Variants in AKAP6 observed in about 807,000 individuals in gnomAD.
AKAP6 encodes the protein A-kinase anchoring protein 6, also known as A-kinase anchor protein 6.
In AKAP6, 58 loss-of-function variants were observed where a neutral mutation model predicts 188.5. That is an observed-to-expected ratio of 0.31 (90% CI 0.25 to 0.38). The LOEUF (loss-of-function observed/expected upper bound fraction) is 0.38, where lower values mean the gene tolerates loss of function less well. Among genes scored for constraint, AKAP6 ranks in the 10% least tolerant of loss-of-function variants. The probability of loss-of-function intolerance (pLI) is 1.00; values close to 1 mark genes in which losing one functional copy is unlikely to be tolerated. For missense variants in AKAP6, 2,710 were observed against 2,740.0 expected, an observed-to-expected ratio of 0.99 and a Z score of 0.24; for synonymous variants, 989 against 998.6, an observed-to-expected ratio of 0.99 and a Z score of 0.18.
chr14:32,818,446 T>C (rs2034441309), intron 12 of AKAP6, among the ~76,000 whole-genome samples: 1 of 152,078 alleles, frequency 6.6e-6, no homozygotes, highest in Non-Finnish European at 1.5e-5. Flanking sequence ...AAATCATCTC[T>C]AGATTAGTTA....
intron 9 of AKAP6, among the ~76,000 whole-genome samples, chr14:32,706,352 C>G (rs1210282540): frequency 1.3e-5 from 2 of 152,128 alleles, no homozygotes; most frequent in Non-Finnish European, 2.9e-5. Context: ...CCCAAATGTT[C>G]TTAAGCACCT....
intron 7 of AKAP6, among the ~76,000 whole-genome samples, chr14:32,628,412 T>C (rs1050357372): frequency 6.6e-6 from 1 of 151,964 alleles, no homozygotes; most frequent in African/African-American, 2.4e-5. Flanking sequence ...GGTTGATGGG[T>C]CTTTATTAGA....
rs1377320988 is a variant in AKAP6 at position 32,649,218 on chromosome 14, C to T, written c.2731-29093C>T. On this transcript the variant is annotated intron_variant, in intron 7 of 13. Transcript: ENST00000280979. ...ATATTTCTAGCATTTTAATTAAAAC[C>T]GTTAGTGGAATAAATCCATTTAATT... is the stretch of plus-strand genomic sequence containing the variant. Among the ~76,000 whole-genome samples, 3 of 151,896 alleles carry T rather than the reference C, an allele frequency of 2.0e-5. 1 individual carries two copies. The East Asian group carries it at 5.8e-4, about 29-fold the overall frequency.
chr14:32,691,163 A>G (rs1271636151), intron 8 of AKAP6, among the ~76,000 whole-genome samples: 1 of 152,152 alleles, frequency 6.6e-6, no homozygotes, highest in African/African-American at 2.4e-5. Context: ...TAAGCTACTC[A>G]CCACAATTTT....
At chr14:32,448,560 G>T (rs1303501003) in intron 2 of AKAP6, among the ~76,000 whole-genome samples, 1 of 152,154 alleles carries the variant, frequency 6.6e-6, no homozygotes, top group African/African-American at 2.4e-5. Flanking sequence ...ACTACAAAGT[G>T]GTAGAGCTAG....
Position 32,360,858 on chromosome 14 carries a change from C to T in AKAP6, c.-35+31450C>T, listed in dbSNP as rs138367343. On this transcript the variant is annotated intron_variant, in intron 1 of 13. Transcript: ENST00000280979. ...TCCTGGGCTCAAGTGTTCCTCCCAC[C>T]TCAGCCTCCTGAGTAGCTGGGACCA... Among the ~76,000 whole-genome samples the T allele has an allele frequency of 6.0e-4, 91 of 151,430 alleles. 1 individual carries two copies. Among genetic ancestry groups the T allele is most frequent in the African/African-American group, 2.1e-3 (85 of 41,278 alleles).
At chr14:32,651,984 T>C (rs900374335) in intron 7 of AKAP6, among the ~76,000 whole-genome samples, 5 of 152,128 alleles carry the variant, frequency 3.3e-5, no homozygotes, top group Non-Finnish European at 5.9e-5. Flanking sequence ...TTATATAGTA[T>C]GCATATTCCC....
At chr14:32,457,247 T>C (rs572758224) in intron 2 of AKAP6, among the ~76,000 whole-genome samples, 1 of 152,188 alleles carries the variant, frequency 6.6e-6, no homozygotes, top group Admixed American at 6.5e-5. Flanking sequence ...GGAAATCCAA[T>C]ATAGAAAAGG....
chr14:32,657,287 T>C (rs545181181), intron 7 of AKAP6, among the ~76,000 whole-genome samples: 2 of 152,258 alleles, frequency 1.3e-5, no homozygotes, highest in Non-Finnish European at 2.9e-5. Context: ...ATGCTGACCC[T>C]GTAGTGGCTG....
chr14:32,512,315 G>A (rs928199865), intron 2 of AKAP6, among the ~76,000 whole-genome samples: 1 of 152,166 alleles, frequency 6.6e-6, no homozygotes, highest in African/African-American at 2.4e-5. Context: ...TGTATAATCA[G>A]AGAGAAGAAA....
rs567464578 is a variant in AKAP6, at chr14:32,543,398, A to G, written c.577-1832A>G. ...ATTTCCTTCTTTTTGAAGGCAAAAT[A>G]GTATTCCATTGTGGATATATGCCAC... On this transcript the variant is annotated intron_variant, in intron 3 of 13. Coordinates refer to ENST00000280979, the MANE Select transcript of AKAP6 (RefSeq NM_004274.5). Among the ~76,000 whole-genome samples the G allele has an allele frequency of 3.9e-5, 6 of 152,370 alleles. No individual in the cohort carries two copies. In the East Asian group the frequency reaches 9.6e-4, roughly 24 times the overall value.
chr14:32,741,494 C>A (rs964666016), intron 11 of AKAP6, among the ~76,000 whole-genome samples: 1 of 151,808 alleles, frequency 6.6e-6, no homozygotes, highest in African/African-American at 2.4e-5. Context: ...CTACCTGTGG[C>A]TCGGTCGTAT....
At chr14:32,784,087 G>A (rs1288193552) in intron 12 of AKAP6, among the ~76,000 whole-genome samples, 1 of 152,054 alleles carries the variant, frequency 6.6e-6, no homozygotes, top group African/African-American at 2.4e-5. Context: ...TATCTAAATG[G>A]GCTATGAAAA....
intron 5 of AKAP6, among the ~76,000 whole-genome samples, chr14:32,579,158 C>A (rs17099322): frequency 0.68 from 104,030 of 151,994 alleles, 35,967 homozygotes; most frequent in East Asian, 0.96. Flanking sequence ...TACAAATTGC[C>A]AGCTTTTTAT....
chr14:32,565,615 T>C (rs1302811020), intron 4 of AKAP6, among the ~76,000 whole-genome samples: 1 of 152,196 alleles, frequency 6.6e-6, no homozygotes, highest in Non-Finnish European at 1.5e-5. Flanking sequence ...GCAGCCAGAG[T>C]GAGTCTTCTA....
intron 7 of AKAP6, among the ~76,000 whole-genome samples, chr14:32,657,336 C>T (rs760014599): frequency 3.0e-4 from 46 of 152,104 alleles, no homozygotes; most frequent in Non-Finnish European, 4.0e-4. Flanking sequence ...AAGAGAGAAG[C>T]GCAACCCTCG....
At chr14:32,516,521 G>A (rs1475930855) in intron 2 of AKAP6, among the ~76,000 whole-genome samples, 1 of 152,112 alleles carries the variant, frequency 6.6e-6, no homozygotes, top group Non-Finnish European at 1.5e-5. Context: ...ACCTGTCCTA[G>A]TCTTTCGCTT....
intron 5 of AKAP6, among the ~76,000 whole-genome samples, chr14:32,594,171 G>GCTC (rs1885595211): frequency 6.6e-6 from 1 of 152,146 alleles, no homozygotes; most frequent in Non-Finnish European, 1.5e-5. Context: ...CTGCAAGTTA[G>GCTC]ATAGTATGAT....
At chr14:32,680,037 G>A (rs992145762) in intron 8 of AKAP6, among the ~76,000 whole-genome samples, 1 of 152,110 alleles carries the variant, frequency 6.6e-6, no homozygotes, top group African/African-American at 2.4e-5. Flanking sequence ...GCAGTACCAC[G>A]TGCTTCTGAC....
Sources: gnomAD v4.1 joint callset for allele counts (sites outside exome capture counted in the v4.1 genomes callset) on GRCh38, gnomAD v4.1.1 for gene constraint, MANE v1.5 for transcripts, NCBI Gene and HGNC (gene_info 2026-07-23, HGNC 2026-07-21) for gene names.